Variants in RBMS1 observed in about 807,000 individuals in gnomAD.
RBMS1 encodes RNA binding motif single stranded interacting protein 1, also known as RNA-binding motif, single-stranded-interacting protein 1.
RBMS1 carries 17 observed loss-of-function variants against 62.3 expected under a neutral mutation model. That is an observed-to-expected ratio of 0.27 (90% CI 0.19 to 0.41). The LOEUF (loss-of-function observed/expected upper bound fraction) is 0.41, where lower values mean the gene tolerates loss of function less well. Among genes scored for constraint, RBMS1 ranks in the 10% least tolerant of loss-of-function variants. RBMS1 has a pLI of 1.00. For synonymous variants in RBMS1, 172 were observed against 170.0 expected (o/e 1.01, Z -0.09); for missense variants, 334 against 504.5 (o/e 0.66, Z 3.24).
At chr2:160,393,250 G>A (rs1694954186) in intron 1 of RBMS1, among the ~76,000 whole-genome samples, 1 of 152,146 alleles carries the variant, frequency 6.6e-6, no homozygotes, top group African/African-American at 2.4e-5. Flanking sequence ...CATGTCAGCT[G>A]CAAATCAGAC....
intron 2 of RBMS1, among the ~76,000 whole-genome samples, chr2:160,324,880 GTGTATATATA>G (rs1167881085): frequency 1.8e-4 from 14 of 76,120 alleles, no homozygotes; most frequent in South Asian, 1.7e-3. Context: ...GTGTGTGTGT[GTGTATATATA>G]TATATATATA....
intron 1 of RBMS1, among the ~76,000 whole-genome samples, chr2:160,480,242 C>G (rs927767877): frequency 1.3e-5 from 2 of 151,868 alleles, no homozygotes; most frequent in African/African-American, 4.8e-5. Context: ...ATCAAATAAA[C>G]AAAGCCATCA....
intron 2 of RBMS1, among the ~76,000 whole-genome samples, chr2:160,358,293 G>A (rs1692918529): frequency 1.3e-5 from 2 of 152,112 alleles, no homozygotes; most frequent in African/African-American, 2.4e-5. Context: ...AGAGAATTGA[G>A]TTACAATCAG....
intron 6 of RBMS1, among the ~76,000 whole-genome samples, chr2:160,289,831 A>G (rs978437315): frequency 3.3e-5 from 5 of 151,816 alleles, no homozygotes; most frequent in Admixed American, 1.3e-4. Context: ...GCTTCTCCCT[A>G]TAAGTTCTTA....
At chr2:160,374,831 G>A (rs1156389143) in intron 1 of RBMS1, among the ~76,000 whole-genome samples, 1 of 152,070 alleles carries the variant, frequency 6.6e-6, no homozygotes, top group Non-Finnish European at 1.5e-5. Context: ...TTGGGAGGCT[G>A]AGGCAGGAAA....
intron 4 of RBMS1, 76 bp downstream of exon 4, chr2:160,313,080 G>T: frequency 7.1e-7 from 1 of 1,398,788 alleles, no homozygotes; most frequent in Non-Finnish European, 1.0e-6. Context: ...TACAGATGCA[G>T]ATAGAAAAAG....
chr2:160,312,823 A>T (rs1031011110), intron 4 of RBMS1, among the ~76,000 whole-genome samples: 22 of 149,454 alleles, frequency 1.5e-4, no homozygotes, highest in African/African-American at 2.9e-4. Flanking sequence ...TTTAAATTTA[A>T]AAAAAAAAAA....
At chr2:160,313,331 T>C (rs150104475) in intron 3 of RBMS1, 84 bp from the exon 4 acceptor site, 6 of 1,327,522 alleles carry the variant, frequency 4.5e-6, no homozygotes, top group East Asian at 2.5e-5. Flanking sequence ...ACTTTGTTTC[T>C]GGTGTGGGCA....
At chr2:160,420,630 G>T (rs1426779602) in intron 1 of RBMS1, among the ~76,000 whole-genome samples, 1 of 151,986 alleles carries the variant, frequency 6.6e-6, no homozygotes, top group African/African-American at 2.4e-5. Flanking sequence ...AGTAGTTCTC[G>T]GCCTCCTTTC....
At position 160,318,028 on chromosome 2, in the gene RBMS1, C is replaced by A. The variant is rs1395619174; in HGVS notation, c.310+141G>T. 3 of 1,254,252 alleles carry A rather than the reference C, an allele frequency of 2.4e-6. No homozygotes were observed. In the South Asian group the frequency reaches 5.2e-5, roughly 22 times the overall value. The allele number at this position is 1,254,252 out of a possible 1,614,324, so 77.7% of individuals were successfully genotyped here. A position where few individuals can be genotyped will look rare whatever the true frequency, so the allele number is the denominator to read the frequency against. On this transcript the variant is annotated intron_variant, in intron 3 of 13. Transcript: ENST00000348849. ...GACAAATGTAAGTAATATGCTGACA[C>A]TGTGCAAGACAGAAACTGGGTGATA...
intron 2 of RBMS1, among the ~76,000 whole-genome samples, chr2:160,331,138 T>G (rs1356310642): frequency 6.6e-6 from 1 of 152,114 alleles, no homozygotes; most frequent in Admixed American, 6.5e-5. Flanking sequence ...ATTTCTAGCC[T>G]CCACAACCGT....
At chr2:160,367,565 A>C (rs1693478159) in intron 1 of RBMS1, 174 bp from the exon 2 acceptor site, 2 of 1,212,538 alleles carry the variant, frequency 1.6e-6, no homozygotes, top group Non-Finnish European at 2.2e-6. Flanking sequence ...CCTCTCCTTC[A>C]ACATAAAATT....
At chr2:160,428,096 GCCTA>G (rs1682720357) in intron 1 of RBMS1, among the ~76,000 whole-genome samples, 1 of 151,650 alleles carries the variant, frequency 6.6e-6, no homozygotes, top group Non-Finnish European at 1.5e-5. Context: ...TACTTCTGGA[GCCTA>G]CATATTTTAA....
intron 2 of RBMS1, among the ~76,000 whole-genome samples, chr2:160,335,662 C>T (rs1000901023): frequency 3.9e-5 from 6 of 152,090 alleles, no homozygotes; most frequent in African/African-American, 1.4e-4. Context: ...TAACTGTATC[C>T]CATATAGTCA....
At chr2:160,468,827 A>T in intron 1 of RBMS1, among the ~76,000 whole-genome samples, 1 of 152,218 alleles carries the variant, frequency 6.6e-6, no homozygotes, top group East Asian at 1.9e-4. Context: ...CTTGCATGAA[A>T]GGAAGTATCA....
intron 1 of RBMS1, among the ~76,000 whole-genome samples, chr2:160,470,663 C>T (rs1274400936): frequency 6.6e-6 from 1 of 151,638 alleles, no homozygotes; most frequent in African/African-American, 2.4e-5. Flanking sequence ...CTGCAGATCT[C>T]TCTCCTGATA....
chr2:160,449,618 T>C (rs1329113869), intron 1 of RBMS1, among the ~76,000 whole-genome samples: 1 of 152,192 alleles, frequency 6.6e-6, no homozygotes, highest in African/African-American at 2.4e-5. Context: ...AAACAGATGC[T>C]TGAAGGCAGC....
rs1694506816 is a variant in RBMS1 at position 160,385,258 on chromosome 2, C to A, written c.76-17867G>T. ...ATATCCAGGAGGGCTCCGCCGAGGG[C>A]ACACATGACCAGTTCTAACCTTAAA... is the stretch of plus-strand genomic sequence containing the variant. On this transcript the variant is annotated intron_variant, in intron 1 of 13. Coordinates refer to ENST00000348849, the MANE Select transcript of RBMS1 (RefSeq NM_016836.4). 3.9e-5 allele frequency among the ~76,000 whole-genome samples: 6 copies of A among 152,326 alleles called. No homozygotes were observed. In the South Asian group the frequency reaches 1.2e-3, roughly 32 times the overall value.
At chr2:160,335,491 G>A (rs1233790383) in intron 2 of RBMS1, among the ~76,000 whole-genome samples, 1 of 152,208 alleles carries the variant, frequency 6.6e-6, no homozygotes. Context: ...GGAGACAACA[G>A]TGACAATCAA....
Sources: gnomAD v4.1 joint callset for allele counts (sites outside exome capture counted in the v4.1 genomes callset) on GRCh38, gnomAD v4.1.1 for gene constraint, MANE v1.5 for transcripts, NCBI Gene and HGNC (gene_info 2026-07-23, HGNC 2026-07-21) for gene names.